The following LRP1B variants were observed in gnomAD, a reference collection of about 807,000 sequenced individuals.
LRP1B encodes the protein LDL receptor related protein 1B.
A neutral mutation model predicts 556.6 loss-of-function variants in LRP1B; 217 were observed. The observed-to-expected ratio is 0.39, with a 90% CI of 0.35 to 0.44. The LOEUF (loss-of-function observed/expected upper bound fraction) is 0.44, where lower values mean the gene tolerates loss of function less well. Among genes scored for constraint, LRP1B ranks in the 20% least tolerant of loss-of-function variants. The probability of loss-of-function intolerance (pLI) is 1.00; values close to 1 mark genes in which losing one functional copy is unlikely to be tolerated. For synonymous variants in LRP1B, 2,047 were observed against 1,865.8 expected, an observed-to-expected ratio of 1.10 and a Z score of -2.50; for missense variants, 5,053 against 5,620.8, an observed-to-expected ratio of 0.90 and a Z score of 3.23.
chr2:141,556,291 G>A (rs1253102086), intron 2 of LRP1B, among the ~76,000 whole-genome samples: 1 of 151,850 alleles, frequency 6.6e-6, no homozygotes, highest in Non-Finnish European at 1.5e-5. Flanking sequence ...ACTACCCAAG[G>A]AGAAGCACAA....
intron 1 of LRP1B, among the ~76,000 whole-genome samples, chr2:142,035,324 T>C (rs1490086716): frequency 6.6e-6 from 1 of 151,612 alleles, no homozygotes; most frequent in African/African-American, 2.4e-5. Context: ...TTGAAGAAAT[T>C]TTCCTAGCAC....
chr2:140,873,267 C>G (rs1183185408), intron 25 of LRP1B, among the ~76,000 whole-genome samples: 2 of 152,046 alleles, frequency 1.3e-5, no homozygotes, highest in African/African-American at 4.8e-5. Context: ...ACGGAATGAT[C>G]TTTGCTTGCA....
intron 3 of LRP1B, among the ~76,000 whole-genome samples, chr2:141,327,296 G>A (rs1185087637): frequency 6.6e-6 from 1 of 152,162 alleles, no homozygotes; most frequent in Non-Finnish European, 1.5e-5. Flanking sequence ...TAAAATGTAA[G>A]GAGCCACTAA....
chr2:142,117,169 G>A lies in LRP1B; in HGVS notation c.82+13479C>T, dbSNP rs1336363244. On this transcript the variant is annotated intron_variant, in intron 1 of 90. Transcript: ENST00000389484. Reference sequence around the variant, plus strand: ...TAGCATTTCTTCATTAGTATTAAGAGAGTTTTGTTTCTTAGAGCACTTTCA... The same window carrying A: ...TAGCATTTCTTCATTAGTATTAAGAAAGTTTTGTTTCTTAGAGCACTTTCA... 2.6e-5 allele frequency among the ~76,000 whole-genome samples: 4 copies of A among 152,084 alleles called. No individual in the cohort carries two copies. In the South Asian group the frequency reaches 8.3e-4, roughly 31 times the overall value.
chr2:140,648,705 G>C (rs1684571307), intron 41 of LRP1B, among the ~76,000 whole-genome samples: 2 of 152,154 alleles, frequency 1.3e-5, no homozygotes, highest in Non-Finnish European at 2.9e-5. Flanking sequence ...TTGAAGAATG[G>C]AAAGAAAGCC....
rs1230611367 is a variant in LRP1B at position 140,724,038 on chromosome 2, G to C, written c.5759-7222C>G. Among the ~76,000 whole-genome samples, 5 of 152,186 alleles carry C rather than the reference G, an allele frequency of 3.3e-5. No homozygotes were observed. In the East Asian group the frequency reaches 9.6e-4, roughly 29 times the overall value. ...CCTAAAATGATAATTTGGTGAATGA[G>C]GTCAGGGAAGATGAGAATCTGGTTG... On this transcript the variant is annotated intron_variant, in intron 35 of 90. Coordinates refer to ENST00000389484, the MANE Select transcript of LRP1B (RefSeq NM_018557.3).
chr2:141,327,301 C>T (rs957195715), intron 3 of LRP1B, among the ~76,000 whole-genome samples: 1 of 152,048 alleles, frequency 6.6e-6, no homozygotes. Context: ...TGTAAGGAGC[C>T]ACTAATTGCA....
intron 1 of LRP1B, among the ~76,000 whole-genome samples, chr2:141,820,028 TAATC>T (rs1696702701): frequency 6.6e-6 from 1 of 152,182 alleles, no homozygotes; most frequent in Non-Finnish European, 1.5e-5. Flanking sequence ...CTTTTTTAGT[TAATC>T]AGTAAGATAA....
intron 72 of LRP1B, among the ~76,000 whole-genome samples, chr2:140,359,898 A>G (rs1240430566): frequency 3.3e-5 from 5 of 151,614 alleles, no homozygotes; most frequent in Non-Finnish European, 7.4e-5. Context: ...AAAGTCTGGA[A>G]TTATTCTAAT....
intron 1 of LRP1B, among the ~76,000 whole-genome samples, chr2:142,072,873 C>T (rs931617235): frequency 8.6e-5 from 13 of 151,952 alleles, no homozygotes; most frequent in Non-Finnish European, 1.8e-4. Flanking sequence ...TAATTGTAGT[C>T]AAAACAAATC....
At chr2:141,072,250 G>C (rs899029311) in intron 7 of LRP1B, among the ~76,000 whole-genome samples, 2 of 152,038 alleles carry the variant, frequency 1.3e-5, no homozygotes, top group Admixed American at 6.6e-5. Context: ...TCACAAACTG[G>C]TTGTATCACT....
At chr2:140,234,942 C>T (rs986376119) in intron 89 of LRP1B, 58 bp from the exon 90 acceptor site, 39 of 720,784 alleles carry the variant, frequency 5.4e-5, no homozygotes, top group African/African-American at 4.1e-4. Context: ...CACTTTTCAT[C>T]GATACATATC....
chr2:141,703,829 G>A (rs946415478), intron 2 of LRP1B, among the ~76,000 whole-genome samples: 1 of 151,880 alleles, frequency 6.6e-6, no homozygotes, highest in Admixed American at 6.6e-5. Context: ...TTGTTCATTT[G>A]CCAATGAGCT....
At chr2:141,047,054 T>TTAA (rs70991134) in intron 11 of LRP1B, among the ~76,000 whole-genome samples, 813 of 70,632 alleles carry the variant, frequency 0.012, 11 homozygotes, top group Non-Finnish European at 0.012. Context: ...TGCACAAAAA[T>TTAA]TAATAATAAT....
chr2:140,961,727 T>C (rs972079038), intron 18 of LRP1B, among the ~76,000 whole-genome samples: 2 of 152,118 alleles, frequency 1.3e-5, no homozygotes, highest in Non-Finnish European at 2.9e-5. Flanking sequence ...TTATTTTCTA[T>C]AAAGCTGTGT....
chr2:140,688,589 C>T (rs1686130570), intron 41 of LRP1B, among the ~76,000 whole-genome samples: 1 of 152,302 alleles, frequency 6.6e-6, no homozygotes, highest in African/African-American at 2.4e-5. Context: ...TCTTCCCCTC[C>T]ATATATGTTT....
In LRP1B at chr2:140,716,596, T is replaced by C. The variant is rs558145025; in HGVS notation, c.5893+86A>G. ...AGAAGTACAAATAAAAGCACTGTTA[T>C]GAGTTAGAAAAGATTTTTTATGAAG... On this transcript the variant is annotated intron_variant, in intron 36 of 90. Coordinates refer to ENST00000389484, the MANE Select transcript of LRP1B (RefSeq NM_018557.3). The C allele has an allele frequency of 1.8e-5, 24 of 1,346,066 alleles. No homozygotes were observed. In the East Asian group the frequency reaches 4.8e-4, roughly 27 times the overall value. 83.4% of individuals were successfully genotyped at this position (1,346,066 alleles called of 1,614,324 possible).
intron 63 of LRP1B, among the ~76,000 whole-genome samples, chr2:140,448,746 T>C (rs1395013012): frequency 6.6e-6 from 1 of 152,048 alleles, no homozygotes; most frequent in Non-Finnish European, 1.5e-5. Flanking sequence ...GCTAAGAGAA[T>C]AGATTTTAAG....
intron 60 of LRP1B, among the ~76,000 whole-genome samples, chr2:140,468,301 G>A (rs1436992042): frequency 1.3e-5 from 2 of 152,180 alleles, no homozygotes; most frequent in African/African-American, 2.4e-5. Flanking sequence ...AGGATGCAGA[G>A]TGCACATGCA....
Sources: allele counts gnomAD v4.1 joint callset (sites outside exome capture counted in the v4.1 genomes callset), GRCh38; gene constraint gnomAD v4.1.1; transcripts MANE v1.5; gene names NCBI Gene and HGNC (gene_info 2026-07-23, HGNC 2026-07-21).